FAM184A: variants seen among roughly 807,000 people sequenced by gnomAD.
FAM184A encodes the protein protein FAM184A.
Under a neutral mutation model 143.8 loss-of-function variants are expected in FAM184A, and 99 were observed. That is an observed-to-expected ratio of 0.69 (90% CI 0.58 to 0.81). The LOEUF (loss-of-function observed/expected upper bound fraction) is 0.81. Among genes scored for constraint, FAM184A ranks in the 40% least tolerant of loss-of-function variants. FAM184A has a pLI of 0.00. For synonymous variants in FAM184A, 427 were observed against 446.4 expected, an observed-to-expected ratio of 0.96 and a Z score of 0.55; for missense variants, 1,217 against 1,310.5, an observed-to-expected ratio of 0.93 and a Z score of 1.10.
chr6:119,046,891 C>T (rs1337400020), intron 1 of FAM184A, among the ~76,000 whole-genome samples: 5 of 152,064 alleles, frequency 3.3e-5, no homozygotes, highest in African/African-American at 1.2e-4. Flanking sequence ...GGGATTACAT[C>T]AAGGTAAAAA....
intron 1 of FAM184A, among the ~76,000 whole-genome samples, chr6:119,140,922 CA>C (rs1165536916): frequency 9.9e-5 from 15 of 152,184 alleles, no homozygotes; most frequent in Non-Finnish European, 1.5e-5. Flanking sequence ...CCAGGCTTTC[CA>C]GCAAAATTAC....
intron 1 of FAM184A, among the ~76,000 whole-genome samples, chr6:119,077,125 C>G (rs940039912): frequency 2.6e-5 from 4 of 152,102 alleles, no homozygotes; most frequent in African/African-American, 7.2e-5. Flanking sequence ...CTCCTTTCCT[C>G]TCTTCCGAAT....
Position 118,961,922 on chromosome 6 carries a change from C to CA in FAM184A, c.3179dup (p.Ser1061GlufsTer19), listed in dbSNP as rs1783339763. ...CCAGAGCACTTAGATTGGGAACACT[C>CA]ACAAACCTGTTTGTTGGTGATTTAT... On this transcript the variant is annotated frameshift_variant, in exon 17 of 18. Transcript: ENST00000338891. LOFTEE classifies it high-confidence loss of function. The CA allele has an allele frequency of 6.2e-7, 1 of 1,613,774 alleles. No individual in the cohort carries two copies. The highest frequency in any genetic ancestry group is 8.5e-7 in the Non-Finnish European group (1 of 1,179,866).
chr6:118,979,385 T>A lies in FAM184A; in HGVS notation c.2435A>T (p.Asp812Val). ...ELQTLRFELEDEGKAMLASLR... is the reference protein window; with the variant it reads ...ELQTLRFELEVEGKAMLASLR... ...AATACCAAGCATAGCCTTTCCTTCA[T>A]CTTCTAATTCAAACCGAAGAGTCTG... is the stretch of plus-strand genomic sequence containing the variant. Residue 812 changes from aspartate (D) to valine (V), a missense_variant, in exon 11 of 18, where the codon GAT becomes GTT. Coordinates refer to ENST00000338891, the MANE Select transcript of FAM184A (RefSeq NM_024581.6). 3 of 1,611,516 alleles carry A rather than the reference T, an allele frequency of 1.9e-6. No homozygotes were observed. The highest frequency in any genetic ancestry group is 2.5e-6 in the Non-Finnish European group (3 of 1,179,206).
chr6:118,970,932 TAAGAAA>T (rs1318513921), intron 14 of FAM184A, among the ~76,000 whole-genome samples: 1 of 152,042 alleles, frequency 6.6e-6, no homozygotes, highest in Admixed American at 6.5e-5. Context: ...ATAGTCTTGT[TAAGAAA>T]AAGAAAAGGA....
At chr6:119,072,087 C>A (rs923766308) in intron 1 of FAM184A, among the ~76,000 whole-genome samples, 1 of 152,098 alleles carries the variant, frequency 6.6e-6, no homozygotes, top group Admixed American at 6.6e-5. Context: ...GTCTCGAACT[C>A]ATGGCCTCAA....
rs12215068 is a variant in FAM184A, at chr6:119,084,158, G to A, written c.-201-59345C>T. Among the ~76,000 whole-genome samples, 1,111 of 152,140 alleles carry A rather than the reference G, an allele frequency of 7.3e-3. 2 individuals carry two copies. The highest frequency in any genetic ancestry group is 0.021 in the Middle Eastern group (6 of 292). ...CATCAGATCTCATGAGAACTCACTC[G>A]CTATCATGAGAATAGCATGGGAGAA... On this transcript the variant is annotated intron_variant, in intron 1 of 16. Coordinates refer to the FAM184A transcript ENST00000352896.
intron 9 of FAM184A, among the ~76,000 whole-genome samples, chr6:118,992,761 T>C (rs543238780): frequency 6.6e-6 from 1 of 152,146 alleles, no homozygotes; most frequent in East Asian, 1.9e-4. Flanking sequence ...ACCCTGTTGC[T>C]ACAAAAAAAC....
chr6:118,997,140 C>T (rs1784591268), intron 9 of FAM184A, among the ~76,000 whole-genome samples: 1 of 151,742 alleles, frequency 6.6e-6, no homozygotes, highest in African/African-American at 2.4e-5. Context: ...GTGGCTCACA[C>T]CTGTAATCCC....
intron 1 of FAM184A, among the ~76,000 whole-genome samples, chr6:119,061,525 A>ATTTTTTTTT (rs1476201793): frequency 1.9e-5 from 1 of 51,598 alleles, no homozygotes; most frequent in Non-Finnish European, 3.8e-5. Context: ...CTGGCTAATT[A>ATTTTTTTTT]TTTTTCTTTT....
At chr6:118,977,648 A>G (rs1201878688) in intron 11 of FAM184A, among the ~76,000 whole-genome samples, 1 of 152,140 alleles carries the variant, frequency 6.6e-6, no homozygotes, top group Non-Finnish European at 1.5e-5. Context: ...AACCTGACAA[A>G]ATCATAGAAA....
At position 119,008,221 on chromosome 6, in the gene FAM184A, C is replaced by T. The variant is rs578188604; in HGVS notation, c.1654-1613G>A. Among the ~76,000 whole-genome samples, 4 of 152,290 alleles carry T rather than the reference C, an allele frequency of 2.6e-5. No homozygotes were observed. The East Asian group carries it at 5.8e-4, about 22-fold the overall frequency. On this transcript the variant is annotated intron_variant, in intron 6 of 17. Coordinates refer to ENST00000338891, the MANE Select transcript of FAM184A (RefSeq NM_024581.6). ...TGGGGCATCTACTCGCCTTCTCTAT[C>T]GGTCCATGTGGTCTTAGTAAGCGCT... is the stretch of plus-strand genomic sequence containing the variant.
chr6:118,996,988 T>C (rs920618757), intron 9 of FAM184A, among the ~76,000 whole-genome samples: 1 of 109,194 alleles, frequency 9.2e-6, no homozygotes, highest in African/African-American at 3.2e-5. Context: ...GCCTCCCACA[T>C]GCTGGGATTA....
intron 14 of FAM184A, 71 bp downstream of exon 14, chr6:118,974,357 A>G (rs1173579590): frequency 1.4e-6 from 2 of 1,391,772 alleles, no homozygotes; most frequent in Non-Finnish European, 2.0e-6. Context: ...AATAACAGCT[A>G]ATCTGAGGTT....
intron 15 of FAM184A, 63 bp from the exon 16 acceptor site, chr6:118,964,834 T>A: frequency 1.2e-6 from 1 of 821,752 alleles, no homozygotes; most frequent in Non-Finnish European, 1.9e-6. Flanking sequence ...AAAACATAAA[T>A]GTATAAACGC....
intron 1 of FAM184A, among the ~76,000 whole-genome samples, chr6:119,119,864 T>C (rs1446073142): frequency 6.6e-6 from 1 of 152,104 alleles, no homozygotes; most frequent in East Asian, 1.9e-4. Flanking sequence ...TGGTGGTTTA[T>C]GCCTGTAGTC....
At chr6:119,006,657 C>A in intron 6 of FAM184A, 49 bp from the exon 7 acceptor site, 1 of 1,351,554 alleles carries the variant, frequency 7.4e-7, no homozygotes, top group South Asian at 1.6e-5. Context: ...AATAGAATAG[C>A]AAAATAGTCT....
At chr6:119,041,775 C>T (rs374788661) in intron 1 of FAM184A, among the ~76,000 whole-genome samples, 3 of 152,174 alleles carry the variant, frequency 2.0e-5, no homozygotes, top group East Asian at 1.9e-4. Flanking sequence ...CACTCTGGAT[C>T]GGGCTAAAGG....
At chr6:118,993,959 T>G (rs9401113) in intron 9 of FAM184A, among the ~76,000 whole-genome samples, 86,827 of 152,020 alleles carry the variant, frequency 0.57, 25,148 homozygotes, top group East Asian at 0.76. Context: ...ATCTGATCCT[T>G]CTTACCTCCC....
Sources: gnomAD v4.1 joint callset for allele counts (sites outside exome capture counted in the v4.1 genomes callset) on GRCh38, gnomAD v4.1.1 for gene constraint, MANE v1.5 for transcripts, NCBI Gene and HGNC (gene_info 2026-07-23, HGNC 2026-07-21) for gene names.